Variants in ALG14 observed in about 807,000 individuals in gnomAD.
The protein encoded by ALG14 is ALG14 UDP-N-acetylglucosaminyltransferase subunit, also known as UDP-N-acetylglucosamine transferase subunit ALG14.
In ALG14, 17 loss-of-function variants were observed where a neutral mutation model predicts 22.8. The observed-to-expected ratio is 0.75, with a 90% CI of 0.51 to 1.12. ALG14 has a LOEUF of 1.12. ALG14 is among the 50% of genes most tolerant of loss of function. The pLI, the probability that ALG14 is intolerant of heterozygous loss-of-function variation, is 0.00. For missense variants in ALG14, 288 were observed against 271.8 expected (o/e 1.06, Z -0.42); for synonymous variants, 89 against 103.7 (o/e 0.86, Z 0.86).
chr1:95,004,130 T>C (rs1256757592), intron 3 of ALG14, among the ~76,000 whole-genome samples: 1 of 151,996 alleles, frequency 6.6e-6, no homozygotes, highest in Non-Finnish European at 1.5e-5. Context: ...CTTTGAAAGA[T>C]TAAGGACTTT....
At chr1:94,986,091 A>G (rs780404715) in intron 3 of ALG14, among the ~76,000 whole-genome samples, 2 of 152,232 alleles carry the variant, frequency 1.3e-5, no homozygotes, top group Non-Finnish European at 2.9e-5. Flanking sequence ...GAGACAGTCT[A>G]AGTAAAGATG....
intron 3 of ALG14, among the ~76,000 whole-genome samples, chr1:95,004,163 A>G (rs891745544): frequency 6.6e-6 from 1 of 151,982 alleles, no homozygotes; most frequent in Non-Finnish European, 1.5e-5. Flanking sequence ...AGGACTACTA[A>G]ATTATGTAGA....
chr1:95,016,279 T>A (rs898750383), intron 3 of ALG14, among the ~76,000 whole-genome samples: 16 of 152,180 alleles, frequency 1.1e-4, no homozygotes, highest in African/African-American at 3.4e-4. Flanking sequence ...GTTTTTTTTT[T>A]ATTCATGCTT....
intron 3 of ALG14, among the ~76,000 whole-genome samples, chr1:95,002,443 C>T (rs1673094374): frequency 1.3e-5 from 2 of 151,782 alleles, no homozygotes; most frequent in Admixed American, 1.3e-4. Context: ...GGAGGATGAA[C>T]ATAAAAACGC....
chr1:95,018,974 G>A (rs994082450), intron 3 of ALG14, among the ~76,000 whole-genome samples: 2 of 152,224 alleles, frequency 1.3e-5, no homozygotes, highest in Non-Finnish European at 2.9e-5. Context: ...ACTGATTTAA[G>A]CATGTGACAC....
At chr1:95,072,224 C>T (rs1312186039) in intron 1 of ALG14, among the ~76,000 whole-genome samples, 2 of 152,172 alleles carry the variant, frequency 1.3e-5, no homozygotes, top group Non-Finnish European at 2.9e-5. Context: ...ATTGTAAGCA[C>T]CTACAGAGTT....
At chr1:95,041,284 C>T (rs989643050) in intron 2 of ALG14, among the ~76,000 whole-genome samples, 3 of 151,994 alleles carry the variant, frequency 2.0e-5, no homozygotes, top group Non-Finnish European at 4.4e-5. Flanking sequence ...ACACTCAAAA[C>T]CATAACTATG....
intron 3 of ALG14, among the ~76,000 whole-genome samples, chr1:95,025,151 T>C (rs1448970106): frequency 6.6e-6 from 1 of 152,234 alleles, no homozygotes; most frequent in Non-Finnish European, 1.5e-5. Flanking sequence ...AATCTCCTTG[T>C]ATATCTCCAT....
intron 2 of ALG14, chr1:95,061,960 T>C (rs1385914231): frequency 6.6e-6 from 1 of 150,504 alleles, no homozygotes; most frequent in African/African-American, 2.4e-5. Flanking sequence ...CCTTCCTTAA[T>C]TAAGAAGTAG....
At chr1:95,028,680 T>A (rs147183319) in intron 2 of ALG14, among the ~76,000 whole-genome samples, 1 of 132,612 alleles carries the variant, frequency 7.5e-6, no homozygotes, top group Admixed American at 7.5e-5. Context: ...ATAGCTGTAG[T>A]CTCAGCTATT....
At chr1:95,064,096 G>A (rs1338984436) in intron 2 of ALG14, among the ~76,000 whole-genome samples, 2 of 152,150 alleles carry the variant, frequency 1.3e-5, no homozygotes, top group Non-Finnish European at 2.9e-5. Flanking sequence ...TGTTGTTGGT[G>A]TATAGGAATG....
intron 3 of ALG14, among the ~76,000 whole-genome samples, chr1:94,997,178 A>C (rs1049376346): frequency 1.3e-5 from 2 of 152,158 alleles, no homozygotes; most frequent in Non-Finnish European, 2.9e-5. Context: ...GGCATGTGAG[A>C]AATGGTTTGC....
At chr1:95,064,842 T>C (rs938578222) in intron 2 of ALG14, 24 bp downstream of exon 2, 9 of 1,597,480 alleles carry the variant, frequency 5.6e-6, no homozygotes, top group Non-Finnish European at 7.7e-6. Flanking sequence ...TGTAATTTTC[T>C]TAGAAATAGA....
At position 94,978,456 on chromosome 1, in the gene ALG14, G is replaced by A. The variant is rs1264288305; in HGVS notation, c.*4620C>T. 1 of 152,148 alleles carries A rather than the reference G, an allele frequency of 6.6e-6. No individual in the cohort carries two copies. Among genetic ancestry groups the A allele is most frequent in the African/African-American group, 2.4e-5 (1 of 41,422 alleles). 9.4% of individuals were successfully genotyped at this position (152,148 alleles called of 1,614,324 possible). A position where few individuals can be genotyped will look rare whatever the true frequency, so the allele number is the denominator to read the frequency against. On this transcript the variant is annotated 3_prime_UTR_variant, in exon 4 of 4. Coordinates refer to ENST00000370205, the MANE Select transcript of ALG14 (RefSeq NM_144988.4). ...AACAAGGATACAAAACTAGAATGAG[G>A]TACAGTCCCTGAAGACAAACATAAA...
chr1:95,052,249 CAAGT>C (rs1404731064), intron 2 of ALG14, among the ~76,000 whole-genome samples: 6 of 151,984 alleles, frequency 3.9e-5, no homozygotes. Context: ...TCCAAAAAAA[CAAGT>C]AGGATACAAG....
At chr1:95,039,717 ATG>A (rs1674321310) in intron 2 of ALG14, among the ~76,000 whole-genome samples, 1 of 152,198 alleles carries the variant, frequency 6.6e-6, no homozygotes, top group Non-Finnish European at 1.5e-5. Context: ...AACTGAAGCA[ATG>A]GGTAGACCTA....
At chr1:95,001,788 A>C (rs1557946594) in intron 3 of ALG14, among the ~76,000 whole-genome samples, 1 of 152,070 alleles carries the variant, frequency 6.6e-6, no homozygotes, top group Admixed American at 6.5e-5. Flanking sequence ...GAGCCACCAA[A>C]CCCAGCCGTT....
intron 3 of ALG14, among the ~76,000 whole-genome samples, chr1:94,987,930 C>G (rs995256546): frequency 1.1e-4 from 16 of 152,204 alleles, no homozygotes; most frequent in African/African-American, 3.1e-4. Context: ...AACTCTAAGG[C>G]ACTGGCCCAA....
intron 2 of ALG14, among the ~76,000 whole-genome samples, chr1:95,059,371 C>G (rs1675051913): frequency 7.5e-6 from 1 of 133,154 alleles, no homozygotes; most frequent in Non-Finnish European, 1.5e-5. Context: ...GCACTCTAGC[C>G]TGGGTGACAG....
Sources: allele counts gnomAD v4.1 joint callset (sites outside exome capture counted in the v4.1 genomes callset), GRCh38; gene constraint gnomAD v4.1.1; transcripts MANE v1.5; gene names NCBI Gene and HGNC (gene_info 2026-07-23, HGNC 2026-07-21).